The following ANKFN1 variants were observed in gnomAD, a reference collection of about 807,000 sequenced individuals.
The protein encoded by ANKFN1 is ankyrin repeat and fibronectin type-III domain-containing protein 1.
In ANKFN1, 74 loss-of-function variants were observed where a neutral mutation model predicts 108.7. That is an observed-to-expected ratio of 0.68 (90% CI 0.56 to 0.83). The LOEUF (loss-of-function observed/expected upper bound fraction) is 0.83, where lower values mean the gene tolerates loss of function less well. Among genes scored for constraint, ANKFN1 ranks in the 40% least tolerant of loss-of-function variants. The pLI is 0.00. For synonymous variants in ANKFN1, 547 were observed against 516.2 expected (o/e 1.06, Z -0.81); for missense variants, 1,505 against 1,382.3 (o/e 1.09, Z -1.41).
intron 1 of ANKFN1, among the ~76,000 whole-genome samples, chr17:56,192,057 A>T (rs949751874): frequency 5.9e-5 from 9 of 152,114 alleles, no homozygotes; most frequent in African/African-American, 1.9e-4. Context: ...CTTGGTTTTC[A>T]GCTCAATGCA....
chr17:56,420,418 C>T (rs2145049515), intron 8 of ANKFN1, among the ~76,000 whole-genome samples: 1 of 152,180 alleles, frequency 6.6e-6, no homozygotes, highest in Non-Finnish European at 1.5e-5. Context: ...AGTTGGCAAA[C>T]TATTTCTTTT....
chr17:56,415,573 T>C (rs562484958), intron 8 of ANKFN1, among the ~76,000 whole-genome samples: 2 of 152,180 alleles, frequency 1.3e-5, no homozygotes, highest in South Asian at 4.2e-4. Context: ...GACACAATAT[T>C]GAAGAGGACA....
At chr17:56,178,615 C>T (rs1405406048) in intron 1 of ANKFN1, among the ~76,000 whole-genome samples, 1 of 151,404 alleles carries the variant, frequency 6.6e-6, no homozygotes, top group African/African-American at 2.4e-5. Flanking sequence ...GCCTGAGGAT[C>T]TATATATTTT....
intron 4 of ANKFN1, among the ~76,000 whole-genome samples, chr17:56,098,580 G>A (rs1337506355): frequency 6.6e-6 from 1 of 151,990 alleles, no homozygotes; most frequent in Non-Finnish European, 1.5e-5. Flanking sequence ...GCTCCATAAG[G>A]GCAGGCCCTT....
chr17:56,275,218 G>C (rs538442469), intron 3 of ANKFN1, among the ~76,000 whole-genome samples: 4 of 152,194 alleles, frequency 2.6e-5, no homozygotes, highest in Admixed American at 2.6e-4. Flanking sequence ...GATAAATTAA[G>C]AAAGGCCATT....
chr17:56,334,021 T>A (rs2045738404), intron 4 of ANKFN1, among the ~76,000 whole-genome samples: 1 of 152,000 alleles, frequency 6.6e-6, no homozygotes, highest in Non-Finnish European at 1.5e-5. Flanking sequence ...GCAAACCCCA[T>A]GGGATTTAAT....
At chr17:56,437,252 C>T (rs965893003) in intron 8 of ANKFN1, among the ~76,000 whole-genome samples, 3 of 152,170 alleles carry the variant, frequency 2.0e-5, no homozygotes, top group Admixed American at 2.0e-4. Context: ...CTTTGTAAAA[C>T]ATGTTTCAGT....
intron 8 of ANKFN1, among the ~76,000 whole-genome samples, chr17:56,383,539 G>C (rs1466543520): frequency 6.6e-6 from 1 of 152,088 alleles, no homozygotes; most frequent in South Asian, 2.1e-4. Flanking sequence ...ATGAATCCAG[G>C]AGCTGGTTTT....
rs541607695 is a variant in ANKFN1 at position 56,476,774 on chromosome 17, T to C, written c.1774-714T>C. ...AGACTTCAAATACTTTTATAAACAT[T>C]ATCTTCTTCGTGGTTGCATTGTAAA... On this transcript the variant is annotated intron_variant, in intron 15 of 20. Coordinates refer to ENST00000682825, the MANE Select transcript of ANKFN1 (RefSeq NM_001370326.1). Among the ~76,000 whole-genome samples the C allele has an allele frequency of 1.6e-3, 246 of 152,372 alleles. 8 individuals carry two copies. In the South Asian group the frequency reaches 0.048, roughly 30 times the overall value.
At chr17:56,081,830 A>G (rs1195032494) in intron 4 of ANKFN1, among the ~76,000 whole-genome samples, 1 of 152,164 alleles carries the variant, frequency 6.6e-6, no homozygotes, top group Non-Finnish European at 1.5e-5. Flanking sequence ...TACTCACCTG[A>G]GGCTTTCTTC....
chr17:56,109,617 G>T (rs1905845350), intron 4 of ANKFN1, among the ~76,000 whole-genome samples: 1 of 152,178 alleles, frequency 6.6e-6, no homozygotes. Flanking sequence ...CAGAACACCG[G>T]CAATGAAATG....
At chr17:56,488,948 T>C (rs1303610785) in intron 18 of ANKFN1, among the ~76,000 whole-genome samples, 2 of 152,366 alleles carry the variant, frequency 1.3e-5, no homozygotes, top group South Asian at 2.1e-4. Flanking sequence ...ATGTGCCATA[T>C]GCTGTGCTGG....
At chr17:56,177,520 A>T (rs570314034) in intron 1 of ANKFN1, among the ~76,000 whole-genome samples, 1 of 152,306 alleles carries the variant, frequency 6.6e-6, no homozygotes, top group Non-Finnish European at 1.5e-5. Context: ...TATTTTTCAT[A>T]ATCCACTTAC....
At chr17:56,178,929 C>G (rs74781202) in intron 1 of ANKFN1, among the ~76,000 whole-genome samples, 1 of 152,014 alleles carries the variant, frequency 6.6e-6, no homozygotes, top group Admixed American at 6.6e-5. Flanking sequence ...TTATTTTCTA[C>G]GCAATATTCT....
intron 8 of ANKFN1, among the ~76,000 whole-genome samples, chr17:56,415,103 C>T (rs761026678): frequency 9.2e-5 from 14 of 152,120 alleles, no homozygotes; most frequent in African/African-American, 1.7e-4. Context: ...AACAGACTCA[C>T]AGCCTTTGCT....
chr17:56,214,626 T>A (rs1317463980), intron 2 of ANKFN1, among the ~76,000 whole-genome samples: 1 of 152,226 alleles, frequency 6.6e-6, no homozygotes, highest in Non-Finnish European at 1.5e-5. Context: ...CAGGTCCCAC[T>A]AACTCCTCAT....
chr17:56,178,095 C>T (rs1299050586), intron 1 of ANKFN1, among the ~76,000 whole-genome samples: 1 of 152,086 alleles, frequency 6.6e-6, no homozygotes, highest in Non-Finnish European at 1.5e-5. Flanking sequence ...CTTGGAAGTC[C>T]ATACCAACTT....
intron 4 of ANKFN1, among the ~76,000 whole-genome samples, chr17:56,073,429 A>G (rs945725249): frequency 6.6e-6 from 1 of 152,150 alleles, no homozygotes; most frequent in Non-Finnish European, 1.5e-5. Context: ...TTTGTTCCAT[A>G]TTTATGTCTG....
At chr17:56,382,849 A>G (rs2047147339) in intron 8 of ANKFN1, among the ~76,000 whole-genome samples, 1 of 152,194 alleles carries the variant, frequency 6.6e-6, no homozygotes. Context: ...GTGACCTACA[A>G]AGAGACTTAG....
Sources: allele counts gnomAD v4.1 joint callset (sites outside exome capture counted in the v4.1 genomes callset), GRCh38; gene constraint gnomAD v4.1.1; transcripts MANE v1.5; gene names NCBI Gene and HGNC (gene_info 2026-07-23, HGNC 2026-07-21).